Variants in SYNPR observed in about 807,000 individuals in gnomAD.
SYNPR encodes synaptoporin.
Under a neutral mutation model 32.9 loss-of-function variants are expected in SYNPR, and 23 were observed. The ratio of observed to expected loss-of-function variants is 0.70; its 90% CI spans 0.50 to 0.99. SYNPR has a LOEUF of 0.99. Ranked by LOEUF, SYNPR falls within the 50% of genes least tolerant of loss-of-function variation. The pLI is 0.00. For synonymous variants in SYNPR, 146 were observed against 135.9 expected (o/e 1.07, Z -0.52); for missense variants, 318 against 349.3 (o/e 0.91, Z 0.71).
chr3:63,455,787 G>GTGTGTGTGTGTGT (rs1559504354), intron 2 of SYNPR, among the ~76,000 whole-genome samples: 15 of 151,310 alleles, frequency 9.9e-5, no homozygotes, highest in South Asian at 2.1e-4. Context: ...GTGTGTGTGT[G>GTGTGTGTGTGTGT]GATCTTCAGA....
chr3:63,319,092 G>T (rs1289838343), intron 2 of SYNPR, among the ~76,000 whole-genome samples: 2 of 152,004 alleles, frequency 1.3e-5, no homozygotes, highest in African/African-American at 4.8e-5. Context: ...TGTCTGCACA[G>T]ATTCCTGTGA....
intron 4 of SYNPR, among the ~76,000 whole-genome samples, chr3:63,568,506 A>G (rs967799153): frequency 7.2e-5 from 11 of 152,182 alleles, no homozygotes; most frequent in Admixed American, 7.2e-4. Flanking sequence ...CGGATGGTCA[A>G]TCATGGTGCC....
intron 2 of SYNPR, among the ~76,000 whole-genome samples, chr3:63,326,488 G>A (rs987303776): frequency 1.1e-4 from 16 of 152,204 alleles, no homozygotes; most frequent in Middle Eastern, 3.4e-3. Flanking sequence ...GGTCTCCTTC[G>A]TAACAAATAG....
intron 2 of SYNPR, among the ~76,000 whole-genome samples, chr3:63,408,273 GAAAGAGGAAGGA>G (rs1395285955): frequency 4.0e-5 from 4 of 100,066 alleles, no homozygotes; most frequent in African/African-American, 8.9e-5. Flanking sequence ...AAGAAAGAAA[GAAAGAGGAAGGA>G]AGGAAGGAAG....
chr3:63,519,065 A>G lies in SYNPR; in HGVS notation c.210-37478A>G, dbSNP rs532277820. On this transcript the variant is annotated intron_variant, in intron 3 of 5. Coordinates refer to ENST00000478300, the MANE Select transcript of SYNPR (RefSeq NM_001130003.2). ...TCTGTTTATGTGATGTATCACATTTATTGATTTGCATATGTTGAACTAACC... is the reference window on the plus strand; with the variant it reads ...TCTGTTTATGTGATGTATCACATTTGTTGATTTGCATATGTTGAACTAACC... Among the ~76,000 whole-genome samples the G allele has an allele frequency of 3.9e-5, 6 of 152,248 alleles. No homozygotes were observed. In the South Asian group the frequency reaches 1.2e-3, roughly 32 times the overall value.
chr3:63,399,867 A>T (rs891450809), intron 2 of SYNPR, among the ~76,000 whole-genome samples: 16 of 152,352 alleles, frequency 1.1e-4, no homozygotes, highest in Non-Finnish European at 2.2e-4. Flanking sequence ...CATAGAAGTA[A>T]AAGTGTTGTC....
intron 2 of SYNPR, among the ~76,000 whole-genome samples, chr3:63,442,163 T>C (rs1431255077): frequency 1.7e-5 from 1 of 58,560 alleles, no homozygotes; most frequent in Non-Finnish European, 3.4e-5. Flanking sequence ...ATGGTAGTGA[T>C]AGTGTGTGTG....
chr3:63,345,760 G>A (rs1204638596), intron 2 of SYNPR, among the ~76,000 whole-genome samples: 1 of 152,120 alleles, frequency 6.6e-6, no homozygotes, highest in Non-Finnish European at 1.5e-5. Flanking sequence ...ATTTAAAGAT[G>A]CATACCCTAA....
At chr3:63,262,608 T>C (rs967939426) in intron 2 of SYNPR, among the ~76,000 whole-genome samples, 1 of 152,124 alleles carries the variant, frequency 6.6e-6, no homozygotes, top group Non-Finnish European at 1.5e-5. Context: ...TCCACTTAGG[T>C]GGACTGAGTG....
the SYNPR span, among the ~76,000 whole-genome samples, chr3:63,222,011 A>ATTTTTTTTT: frequency 5.6e-3 from 315 of 56,402 alleles, 67 homozygotes; most frequent in South Asian, 7.7e-3. Flanking sequence ...GCCATGCTCA[A>ATTTTTTTTT]TTTTTTTTTT....
chr3:63,592,931 C>T (rs966297444), intron 4 of SYNPR, among the ~76,000 whole-genome samples: 1 of 151,946 alleles, frequency 6.6e-6, no homozygotes, highest in Non-Finnish European at 1.5e-5. Flanking sequence ...CTCATTATTG[C>T]CCCTTTTTAC....
chr3:63,571,482 C>G lies in SYNPR; in HGVS notation c.408+14741C>G, dbSNP rs544860102. On this transcript the variant is annotated intron_variant, in intron 4 of 5. Transcript: ENST00000478300. Reference sequence around the variant, plus strand: ...TCTGTTTTCTGGTTGAGGGAGGTTACTTGATAAATAGGTAATCCGAAAACT... The same window carrying G: ...TCTGTTTTCTGGTTGAGGGAGGTTAGTTGATAAATAGGTAATCCGAAAACT... Among the ~76,000 whole-genome samples, 53 of 152,136 alleles carry G rather than the reference C, an allele frequency of 3.5e-4. 1 individual carries two copies. The highest frequency in any genetic ancestry group is 1.1e-3 in the African/African-American group (47 of 41,506).
At chr3:63,278,802 G>C (rs2086601185) in intron 2 of SYNPR, 60 bp downstream of exon 2, 13 of 1,513,142 alleles carry the variant, frequency 8.6e-6, no homozygotes, top group Non-Finnish European at 1.1e-5. Context: ...GGTGAGGAGA[G>C]GTCGGATGGG....
At chr3:63,491,074 C>G (rs1001923816) in intron 3 of SYNPR, among the ~76,000 whole-genome samples, 24 of 152,194 alleles carry the variant, frequency 1.6e-4, no homozygotes, top group African/African-American at 4.6e-4. Context: ...ACCGTGTCAG[C>G]AGTCAAAACA....
intron 2 of SYNPR, among the ~76,000 whole-genome samples, chr3:63,479,738 A>G (rs1336947363): frequency 3.3e-5 from 5 of 152,178 alleles, no homozygotes; most frequent in African/African-American, 1.2e-4. Flanking sequence ...AAATAGCAAA[A>G]TGACCCAGAA....
At chr3:63,352,140 G>C (rs762035201) in intron 2 of SYNPR, among the ~76,000 whole-genome samples, 6 of 152,180 alleles carry the variant, frequency 3.9e-5, no homozygotes, top group Non-Finnish European at 7.4e-5. Flanking sequence ...AAGCTGGGGT[G>C]TGGTGTGCAC....
At chr3:63,277,475 T>C (rs181990515), upstream of SYNPR, among the ~76,000 whole-genome samples, 13 of 152,274 alleles carry the variant, frequency 8.5e-5, no homozygotes, top group Admixed American at 2.6e-4. Flanking sequence ...ATTTATGAGT[T>C]TGACAAGGGA....
At chr3:63,347,447 A>G (rs138455733) in intron 2 of SYNPR, among the ~76,000 whole-genome samples, 103 of 152,288 alleles carry the variant, frequency 6.8e-4, no homozygotes, top group African/African-American at 2.2e-3. Flanking sequence ...TCTTTTTCAT[A>G]TACTATTGCT....
chr3:63,489,847 A>G (rs946427446), intron 3 of SYNPR, among the ~76,000 whole-genome samples: 1 of 152,202 alleles, frequency 6.6e-6, no homozygotes, highest in Non-Finnish European at 1.5e-5. Flanking sequence ...CAGAATGAAC[A>G]TCGCTTAGAA....
Sources: gnomAD v4.1 joint callset for allele counts (sites outside exome capture counted in the v4.1 genomes callset) on GRCh38, gnomAD v4.1.1 for gene constraint, MANE v1.5 for transcripts, NCBI Gene and HGNC (gene_info 2026-07-23, HGNC 2026-07-21) for gene names.